The following PDE10A variants were observed in gnomAD, a reference collection of about 807,000 sequenced individuals.
The protein encoded by PDE10A is cAMP and cAMP-inhibited cGMP 3',5'-cyclic phosphodiesterase 10A.
A neutral mutation model predicts 97.7 loss-of-function variants in PDE10A; 39 were observed. That is an observed-to-expected ratio of 0.40 (90% CI 0.31 to 0.52). The LOEUF (loss-of-function observed/expected upper bound fraction) is 0.52, where lower values mean the gene tolerates loss of function less well. Ranked by LOEUF, PDE10A falls within the 20% of genes least tolerant of loss-of-function variation. The probability of loss-of-function intolerance (pLI) is 0.56; values close to 1 mark genes in which losing one functional copy is unlikely to be tolerated. For missense variants in PDE10A, 731 were observed against 1,047.8 expected (o/e 0.70, Z 4.17); for synonymous variants, 371 against 376.8 (o/e 0.98, Z 0.18).
chr6:165,507,932 C>T (rs1039797030), intron 2 of PDE10A, among the ~76,000 whole-genome samples: 1 of 151,950 alleles, frequency 6.6e-6, no homozygotes, highest in East Asian at 1.9e-4. Context: ...AACAAAAGTA[C>T]ATATATTAAA....
intron 1 of PDE10A, among the ~76,000 whole-genome samples, chr6:165,567,842 T>C (rs994707840): frequency 6.6e-6 from 1 of 152,090 alleles, no homozygotes; most frequent in Admixed American, 6.6e-5. Flanking sequence ...TTATATTATG[T>C]GTCCATCTTT....
chr6:165,980,351 A>G lies in PDE10A; in HGVS notation c.-615+7178T>C, dbSNP rs145485584. 2.2e-3 allele frequency among the ~76,000 whole-genome samples: 333 copies of G among 152,132 alleles called. 2 individuals carry two copies. Among genetic ancestry groups the G allele is most frequent in the Middle Eastern group, 6.8e-3 (2 of 294 alleles). On this transcript the variant is annotated intron_variant, in intron 1 of 19. Transcript: ENST00000366882. The stretch of plus-strand genomic sequence containing the variant: ...TATCTAGGAATTTACCAACATATAC[A>G]TGTATACATGTGTTGAGAAAGTACT...
chr6:165,971,388 T>C (rs763451199), intron 1 of PDE10A, among the ~76,000 whole-genome samples: 47 of 152,310 alleles, frequency 3.1e-4, no homozygotes, highest in Middle Eastern at 3.4e-3. Context: ...TGCAACACAC[T>C]GGACGACCTC....
At chr6:165,775,160 C>G (rs1778145358) in intron 1 of PDE10A, 1 of 152,108 alleles carries the variant, frequency 6.6e-6, no homozygotes, top group African/African-American at 2.4e-5. Context: ...AACTTGTTTT[C>G]TAGTTTATCC....
intron 3 of PDE10A, among the ~76,000 whole-genome samples, chr6:165,461,693 C>T (rs1778336900): frequency 6.6e-6 from 1 of 152,218 alleles, no homozygotes; most frequent in East Asian, 1.9e-4. Flanking sequence ...GTACCTCTTC[C>T]AGGACCTTTG....
chr6:165,605,626 C>T (rs934933217), intron 1 of PDE10A, among the ~76,000 whole-genome samples: 3 of 152,268 alleles, frequency 2.0e-5, no homozygotes, highest in Admixed American at 6.5e-5. Context: ...TTTGTGCTCT[C>T]GGTGAATCTT....
intron 18 of PDE10A, among the ~76,000 whole-genome samples, chr6:165,352,392 G>A (rs899657869): frequency 6.6e-6 from 1 of 152,080 alleles, no homozygotes; most frequent in East Asian, 1.9e-4. Context: ...ATTTTGGATA[G>A]AGAGAGGCCA....
chr6:165,347,364 T>C (rs762228596), intron 18 of PDE10A, among the ~76,000 whole-genome samples: 30 of 152,176 alleles, frequency 2.0e-4, no homozygotes, highest in Admixed American at 1.5e-3. Flanking sequence ...ATAAACATGA[T>C]ATAGTAATTA....
At chr6:165,682,635 T>C (rs4709962) in intron 1 of PDE10A, among the ~76,000 whole-genome samples, 131,146 of 152,138 alleles carry the variant, frequency 0.86, 56,772 homozygotes, top group South Asian at 0.92. Flanking sequence ...AAAGCCAGCC[T>C]TCACCAGGCA....
At chr6:165,916,771 TTC>T (rs1562796985) in intron 1 of PDE10A, among the ~76,000 whole-genome samples, 1 of 152,148 alleles carries the variant, frequency 6.6e-6, no homozygotes, top group Non-Finnish European at 1.5e-5. Flanking sequence ...TGACCAACAA[TTC>T]TCTCTTTTAG....
intron 18 of PDE10A, among the ~76,000 whole-genome samples, chr6:165,373,906 A>G (rs990381866): frequency 1.3e-5 from 2 of 151,930 alleles, no homozygotes; most frequent in Non-Finnish European, 2.9e-5. Context: ...CAGCCATAAA[A>G]AATGATGAGT....
chr6:165,515,450 ATAT>A (rs1008464660), intron 2 of PDE10A, among the ~76,000 whole-genome samples: 10 of 151,746 alleles, frequency 6.6e-5, no homozygotes, highest in East Asian at 5.8e-4. Context: ...TATTGGTTTA[ATAT>A]TATAATCATT....
At chr6:165,422,252 C>A (rs1163299640) in intron 10 of PDE10A, among the ~76,000 whole-genome samples, 1 of 152,026 alleles carries the variant, frequency 6.6e-6, no homozygotes, top group Non-Finnish European at 1.5e-5. Context: ...GCCACCCCTA[C>A]TCCCTTATAC....
intron 1 of PDE10A, among the ~76,000 whole-genome samples, chr6:165,784,700 G>C (rs1778448382): frequency 6.6e-6 from 1 of 152,142 alleles, no homozygotes; most frequent in Admixed American, 6.6e-5. Context: ...GAAAACTATG[G>C]GTATTGGGAC....
At chr6:165,482,385 T>C (rs780579973) in intron 2 of PDE10A, 42 bp from the exon 3 acceptor site, 2 of 1,492,114 alleles carry the variant, frequency 1.3e-6, no homozygotes, top group South Asian at 2.3e-5. Flanking sequence ...AATTAGCGAC[T>C]GAGTAGGTTT....
chr6:165,534,374 A>G (rs2128316861), intron 2 of PDE10A, among the ~76,000 whole-genome samples: 1 of 151,988 alleles, frequency 6.6e-6, no homozygotes, highest in South Asian at 2.1e-4. Context: ...AAATACTTAA[A>G]GAAGAACCAC....
Position 165,435,358 on chromosome 6 carries a change from G to A in PDE10A, c.1214C>T (p.Pro405Leu). The part of the protein sequence containing the change: ...ECNNSLCIFT[P>L]PGIKEGKPRL... ...GGGTTTTCCTTCCTTTATCCCAGGT[G>A]GCGTGAATATACACAGGCTCTAGGG... Residue 405 changes from proline to leucine, a missense_variant, in exon 6 of 22, where the codon CCA (proline) becomes CTA (leucine). Around this residue, in one of 8 missense-constraint regions of PDE10A, gnomAD observed 152 missense variants for 199.3 expected, o/e 0.76. Transcript: ENST00000539869. 1.2e-6 allele frequency: 2 copies of A among 1,613,906 alleles called. No individual in the cohort carries two copies. The highest frequency in any genetic ancestry group is 1.7e-6 in the Non-Finnish European group (2 of 1,179,914).
intron 1 of PDE10A, among the ~76,000 whole-genome samples, chr6:165,677,422 C>T (rs891889523): frequency 2.0e-5 from 3 of 152,194 alleles, no homozygotes; most frequent in Non-Finnish European, 4.4e-5. Flanking sequence ...ACAGTGAGCC[C>T]TCCATATCCA....
intron 3 of PDE10A, among the ~76,000 whole-genome samples, chr6:165,479,074 T>C (rs536524927): frequency 5.5e-4 from 84 of 152,334 alleles, no homozygotes; most frequent in African/African-American, 1.7e-3. Context: ...GAGGTTGTCA[T>C]AGGCATGTCC....
Sources: allele counts gnomAD v4.1 joint callset (sites outside exome capture counted in the v4.1 genomes callset), GRCh38; gene constraint gnomAD v4.1.1; regional missense constraint gnomAD v4.1.1; transcripts MANE v1.5; gene names NCBI Gene and HGNC (gene_info 2026-07-23, HGNC 2026-07-21).